Variants in IGHMBP2 observed in about 807,000 individuals in gnomAD.
The protein encoded by IGHMBP2 is immunoglobulin mu DNA binding protein 2, also known as DNA-binding protein SMUBP-2.
Under a neutral mutation model 96.0 loss-of-function variants are expected in IGHMBP2, and 81 were observed. That is an observed-to-expected ratio of 0.84 (90% CI 0.71 to 1.01). The LOEUF (loss-of-function observed/expected upper bound fraction) is 1.01, where lower values mean the gene tolerates loss of function less well. IGHMBP2 is among the 50% of genes least tolerant of loss of function. The pLI is 0.00. For missense variants in IGHMBP2, 1,227 were observed against 1,306.3 expected, an observed-to-expected ratio of 0.94 and a Z score of 0.94; for synonymous variants, 557 against 548.9, an observed-to-expected ratio of 1.01 and a Z score of -0.21.
rs546509215 is a variant in IGHMBP2 at position 68,910,815 on chromosome 11, G to A, written c.548-625G>A. On this transcript the variant is annotated intron_variant, in intron 4 of 14. Transcript: ENST00000255078. ...GGAGAATCGCTTGAACCCAGGAGGCGGATGTTGCAGTGAGCTGAGATCATG... is the reference window on the plus strand; with the variant it reads ...GGAGAATCGCTTGAACCCAGGAGGCAGATGTTGCAGTGAGCTGAGATCATG... 7.9e-5 allele frequency among the ~76,000 whole-genome samples: 12 copies of A among 151,434 alleles called. No homozygotes were observed. The South Asian group carries it at 1.5e-3, about 18-fold the overall frequency.
rs150123428 is a variant in IGHMBP2 at position 68,908,277 on chromosome 11, G to C, written c.389G>C (p.Arg130Pro). ...ESHDFQLSLD[R>P]ENSYRLLKLA... ...CACGATTTCCAGTTGAGCTTGGACC[G>C]AGAGAATTCCTACAGACTGTTAAAA... The change falls in exon 3 of 15, where the codon CGA (arginine) becomes CCA (proline). Residue 130 changes from arginine (R) to proline (P), a missense_variant. Arg to Pro is a moderately radical substitution (Grantham distance 103, BLOSUM62 -2). This residue lies in a region of IGHMBP2 where 507 missense variants were observed against 496.9 expected (regional missense o/e 1.02). Transcript: ENST00000255078. 6.2e-7 allele frequency: 1 copy of C among 1,614,142 alleles called. No individual in the cohort carries two copies. Among genetic ancestry groups the C allele is most frequent in the Non-Finnish European group, 8.5e-7 (1 of 1,180,020 alleles).
chr11:68,919,604 G>C (rs1357450736), intron 7 of IGHMBP2, among the ~76,000 whole-genome samples: 1 of 152,214 alleles, frequency 6.6e-6, no homozygotes, highest in Non-Finnish European at 1.5e-5. Context: ...TGAGTGTTCT[G>C]TAAGTAGTCA....
intron 8 of IGHMBP2, among the ~76,000 whole-genome samples, chr11:68,931,132 G>A (rs894439760): frequency 6.6e-6 from 1 of 152,136 alleles, no homozygotes; most frequent in Admixed American, 6.5e-5. Flanking sequence ...TCTGCCTCCC[G>A]CTGCCATTCA....
chr11:68,934,576 T>C lies in IGHMBP2; in HGVS notation c.1632+18T>C. On this transcript the variant is annotated intron_variant, in intron 11 of 14. Coordinates refer to ENST00000255078, the MANE Select transcript of IGHMBP2 (RefSeq NM_002180.3). ...ACCTCCAGGTACGAGGGTTTCCTTT[T>C]GTCCCTCTACAGAGCAGCTGGGGCT... 1 of 1,576,090 alleles carries C rather than the reference T, an allele frequency of 6.3e-7. No individual in the cohort carries two copies. Among genetic ancestry groups the C allele is most frequent in the East Asian group, 2.3e-5 (1 of 44,156 alleles).
chr11:68,912,239 C>T (rs920314428), intron 5 of IGHMBP2, among the ~76,000 whole-genome samples: 1 of 152,182 alleles, frequency 6.6e-6, no homozygotes, highest in African/African-American at 2.4e-5. Flanking sequence ...TTAAGTGATT[C>T]TCCTACCTCA....
At chr11:68,921,713 C>T (rs1215468635) in intron 7 of IGHMBP2, among the ~76,000 whole-genome samples, 2 of 152,108 alleles carry the variant, frequency 1.3e-5, no homozygotes, top group Non-Finnish European at 2.9e-5. Context: ...CCACTTTTGG[C>T]GCTTTGTTTT....
At chr11:68,913,090 TG>T (rs1858509273) in intron 5 of IGHMBP2, among the ~76,000 whole-genome samples, 1 of 126,386 alleles carries the variant, frequency 7.9e-6, no homozygotes, top group Admixed American at 8.2e-5. Flanking sequence ...ACGAGGAAAC[TG>T]AGAAACAAGG....
Position 68,903,964 on chromosome 11 carries a change from A to G in IGHMBP2, c.12A>G (p.Ala4=), listed in dbSNP as rs1858064641. 6.4e-7 allele frequency: 1 copy of G among 1,559,766 alleles called. No individual in the cohort carries two copies. Among genetic ancestry groups the G allele is most frequent in the African/African-American group, 1.4e-5 (1 of 73,512 alleles). The part of the protein sequence containing the change: MAS[A]AVESFVTKQL... Reference sequence around the variant, plus strand: ...GGCCGGCGGCGGCGATGGCCTCGGCAGCTGTGGAGAGCTTCGTGACCAAGC... The same window carrying G: ...GGCCGGCGGCGGCGATGGCCTCGGCGGCTGTGGAGAGCTTCGTGACCAAGC... The change falls in exon 1 of 15, where the codon GCA becomes GCG. Residue 4 remains alanine, a synonymous_variant. Transcript: ENST00000255078.
chr11:68,908,457 G>A, intron 3 of IGHMBP2, 77 bp from the exon 4 acceptor site: 3 of 1,450,264 alleles, frequency 2.1e-6, no homozygotes, highest in East Asian at 2.3e-5. Flanking sequence ...GCCCTCATGG[G>A]AGTTGGTGGC....
intron 14 of IGHMBP2, among the ~76,000 whole-genome samples, 166 bp from the exon 15 acceptor site, chr11:68,939,368 C>T (rs910339953): frequency 3.3e-5 from 5 of 152,152 alleles, no homozygotes; most frequent in African/African-American, 7.2e-5. Flanking sequence ...CAGACCACCC[C>T]GCCGCTCTCC....
chr11:68,914,653 G>A (rs1448017570), intron 5 of IGHMBP2, among the ~76,000 whole-genome samples, 170 bp from the exon 6 acceptor site: 1 of 152,240 alleles, frequency 6.6e-6, no homozygotes, highest in Non-Finnish European at 1.5e-5. Context: ...TGGGGTACCG[G>A]AAGAATCGGA....
chr11:68,936,646 C>T lies in IGHMBP2; in HGVS notation c.2166C>T (p.Ser722=). 1 of 1,613,884 alleles carries T rather than the reference C, an allele frequency of 6.2e-7. No individual in the cohort carries two copies. The highest frequency in any genetic ancestry group is 8.5e-7 in the Non-Finnish European group (1 of 1,179,978). The change falls in exon 13 of 15, where the codon AGC becomes AGT. Residue 722 remains serine (S), a synonymous_variant. Transcript: ENST00000255078. ...GAGGCAGCCCAGAGGGAGTGGAGAG[C>T]CAAGATGGCGTGGACCACTTCCGGG... ...LNGGSPEGVE[S]QDGVDHFRAM...
chr11:68,936,187 G>C (rs1313293407), intron 12 of IGHMBP2, 50 bp from the exon 13 acceptor site: 13 of 1,605,860 alleles, frequency 8.1e-6, no homozygotes, highest in Non-Finnish European at 1.1e-5. Flanking sequence ...GAGCCTGACT[G>C]TGTTTCTTAG....
rs1306002423 is a variant in IGHMBP2 at position 68,937,992 on chromosome 11, C to T, written c.2612-190C>T. 4.6e-6 allele frequency: 3 copies of T among 653,476 alleles called. No homozygotes were observed. The Admixed American group carries it at 7.0e-5, about 15-fold the overall frequency. 40.5% of individuals were successfully genotyped at this position (653,476 alleles called of 1,614,324 possible). On this transcript the variant is annotated intron_variant, in intron 13 of 14. Coordinates refer to ENST00000255078, the MANE Select transcript of IGHMBP2 (RefSeq NM_002180.3). Reference sequence around the variant, plus strand: ...TTTAGAATTAATAGAGACGGGGTCTCACTCTGTCACTATGTTGCCCAGGCT... The same window carrying T: ...TTTAGAATTAATAGAGACGGGGTCTTACTCTGTCACTATGTTGCCCAGGCT...
intron 4 of IGHMBP2, among the ~76,000 whole-genome samples, chr11:68,909,479 C>T (rs1269427100): frequency 6.6e-6 from 1 of 152,028 alleles, no homozygotes; most frequent in Non-Finnish European, 1.5e-5. Context: ...CGTGCCTAGC[C>T]TCCATTGAGT....
chr11:68,916,701 A>AGGCTGCTTGCGT (rs1458911087), intron 6 of IGHMBP2, among the ~76,000 whole-genome samples: 3 of 152,006 alleles, frequency 2.0e-5, no homozygotes, highest in African/African-American at 7.3e-5. Context: ...CGTGGCATCG[A>AGGCTGCTTGCGT]GGCTGCTTGC....
rs776690118 is a variant in IGHMBP2 at position 68,920,091 on chromosome 11, C to T, written c.1060+2208C>T. Among the ~76,000 whole-genome samples the T allele has an allele frequency of 2.2e-4, 34 of 152,206 alleles. 1 individual carries two copies. The highest frequency in any genetic ancestry group is 3.9e-4 in the Admixed American group (6 of 15,272). ...CCCTGTCCCAGATCCTGGCAGTCAC[C>T]ATTCTCCTGTCTGTTTCTAAGAATT... On this transcript the variant is annotated intron_variant, in intron 7 of 14. Transcript: ENST00000255078.
At chr11:68,936,070 AG>A (rs1421122627) in intron 12 of IGHMBP2, among the ~76,000 whole-genome samples, 166 bp from the exon 13 acceptor site, 1 of 152,236 alleles carries the variant, frequency 6.6e-6, no homozygotes, top group African/African-American at 2.4e-5. Context: ...GCCAGATGCC[AG>A]GGCAGGTGTG....
Position 68,938,332 on chromosome 11 carries a change from G to C in IGHMBP2, c.2762G>C (p.Cys921Ser), listed in dbSNP as rs987817939. The part of the protein sequence containing the change: ...QFCQLCSRRY[C>S]LSHHLPEIHG... ...TGCCAGCTCTGCAGCCGCCGCTACT[G>C]CCTCAGCCACCACCTGCCCGAGGTA... Residue 921 changes from cysteine (C) to serine (S), a missense_variant, in exon 14 of 15, where the codon TGC (cysteine) becomes TCC (serine). Physicochemically the swap from Cys to Ser is moderately radical, Grantham distance 112 (BLOSUM62 -1). Around this residue, in one of 3 missense-constraint regions of IGHMBP2, gnomAD observed 703 missense variants for 770.3 expected, o/e 0.91. Transcript: ENST00000255078. 3 of 1,611,388 alleles carry C rather than the reference G, an allele frequency of 1.9e-6. No homozygotes were observed. Among genetic ancestry groups the C allele is most frequent in the Non-Finnish European group, 2.5e-6 (3 of 1,179,468 alleles).
Sources: gnomAD v4.1 joint callset for allele counts (sites outside exome capture counted in the v4.1 genomes callset) on GRCh38, gnomAD v4.1.1 for gene constraint, gnomAD v4.1.1 regional missense constraint, MANE v1.5 for transcripts, NCBI Gene and HGNC (gene_info 2026-07-23, HGNC 2026-07-21) for gene names.